Variants in NPL observed in about 807,000 individuals in gnomAD.
NPL encodes N-acetylneuraminate pyruvate lyase, also known as N-acetylneuraminate lyase.
Under a neutral mutation model 41.1 loss-of-function variants are expected in NPL, and 32 were observed. The ratio of observed to expected loss-of-function variants is 0.78; its 90% CI spans 0.59 to 1.05. The LOEUF is 1.05. Ranked by LOEUF, NPL falls within the 50% of genes least tolerant of loss-of-function variation. The pLI, the probability that NPL is intolerant of heterozygous loss-of-function variation, is 0.00. For missense variants in NPL, 321 were observed against 378.4 expected, an observed-to-expected ratio of 0.85 and a Z score of 1.26; for synonymous variants, 128 against 134.9, an observed-to-expected ratio of 0.95 and a Z score of 0.35.
At chr1:182,794,538 T>G (rs1666604383) in intron 3 of NPL, 99 bp downstream of exon 3, 2 of 1,225,882 alleles carry the variant, frequency 1.6e-6, no homozygotes, top group Non-Finnish European at 2.4e-6. Context: ...TGCACCTCTG[T>G]AGAACTGTTG....
chr1:182,803,582 A>G (rs1201012012), intron 3 of NPL, 116 bp from the exon 4 acceptor site: 2 of 748,436 alleles, frequency 2.7e-6, no homozygotes, highest in Non-Finnish European at 2.4e-6. Context: ...GAATTTCACA[A>G]ATTGAGTGGA....
chr1:182,815,985 A>G (rs1045924753), intron 7 of NPL, among the ~76,000 whole-genome samples: 3 of 152,274 alleles, frequency 2.0e-5, no homozygotes, highest in East Asian at 1.9e-4. Flanking sequence ...GAATATATGC[A>G]TAATAATTTG....
intron 3 of NPL, among the ~76,000 whole-genome samples, 168 bp from the exon 4 acceptor site, chr1:182,803,530 A>AG (rs869270026): frequency 3.7e-4 from 54 of 147,114 alleles, no homozygotes; most frequent in Non-Finnish European, 5.8e-4. Context: ...CACCAGATTC[A>AG]GGGGGGGAAA....
intron 1 of NPL, among the ~76,000 whole-genome samples, chr1:182,790,221 G>C (rs1164947157): frequency 2.0e-5 from 3 of 152,106 alleles, no homozygotes; most frequent in Non-Finnish European, 4.4e-5. Context: ...TGTCCCTCAA[G>C]ATATTCTCTG....
chr1:182,798,353 G>A (rs530984309), intron 3 of NPL, among the ~76,000 whole-genome samples: 4 of 150,264 alleles, frequency 2.7e-5, no homozygotes, highest in East Asian at 2.0e-4. Context: ...TCAGCCTCCC[G>A]GGTAGCTGGG....
At chr1:182,803,615 G>A (rs564123892) in intron 3 of NPL, 83 bp from the exon 4 acceptor site, 55 of 879,816 alleles carry the variant, frequency 6.3e-5, no homozygotes, top group Admixed American at 4.0e-4. Context: ...ATTAGCAAGA[G>A]GGAGCAGTTT....
At position 182,828,594 on chromosome 1, in the gene NPL, T is replaced by C; in HGVS notation, c.779-130T>C. On this transcript the variant is annotated intron_variant, in intron 12 of 12. Coordinates refer to ENST00000367553, the MANE Select transcript of NPL (RefSeq NM_030769.3). The surrounding 1 kb of genome is among the most constrained non-coding windows in gnomAD (Gnocchi z 4.0). ...GCTCATCTGTCATATTGACTAGAAATGTTCCCATCTTTTGTTTTAATCTTA... is the reference window on the plus strand; with the variant it reads ...GCTCATCTGTCATATTGACTAGAAACGTTCCCATCTTTTGTTTTAATCTTA... 1.7e-6 allele frequency: 2 copies of C among 1,147,676 alleles called. No homozygotes were observed. The highest frequency in any genetic ancestry group is 2.5e-5 in the East Asian group (1 of 39,342). 71.1% of individuals were successfully genotyped at this position (1,147,676 alleles called of 1,614,324 possible). A position where few individuals can be genotyped will look rare whatever the true frequency, so the allele number is the denominator to read the frequency against.
intron 3 of NPL, among the ~76,000 whole-genome samples, chr1:182,797,805 T>C (rs1666718695): frequency 6.6e-6 from 1 of 152,236 alleles, no homozygotes; most frequent in Non-Finnish European, 1.5e-5. Context: ...TGTCTATGTC[T>C]TCCAGCAGGC....
intron 5 of NPL, among the ~76,000 whole-genome samples, chr1:182,808,057 C>T (rs972854795): frequency 3.9e-5 from 6 of 151,992 alleles, no homozygotes; most frequent in Non-Finnish European, 5.9e-5. Flanking sequence ...CCATAGAGCC[C>T]GACTGCCTGA....
chr1:182,803,265 T>G (rs1174070397), intron 3 of NPL, among the ~76,000 whole-genome samples: 1 of 152,208 alleles, frequency 6.6e-6, no homozygotes, highest in African/African-American at 2.4e-5. Context: ...TGGCTCATAC[T>G]TGTAATCCCA....
rs747166998 is a variant in NPL at position 182,818,490 on chromosome 1, G to T, written c.458-51G>T. 3.1e-6 allele frequency: 5 copies of T among 1,607,338 alleles called. No homozygotes were observed. In the South Asian group the frequency reaches 5.5e-5, roughly 18 times the overall value. On this transcript the variant is annotated intron_variant, in intron 8 of 12. Coordinates refer to ENST00000367553, the MANE Select transcript of NPL (RefSeq NM_030769.3). The stretch of plus-strand genomic sequence containing the variant: ...GCAGATGCATGACACTATATGAGAT[G>T]TTATTTCCTAGAGATGTGCAGATTA...
At chr1:182,814,413 G>A (rs1220925079) in intron 6 of NPL, among the ~76,000 whole-genome samples, 10 of 152,150 alleles carry the variant, frequency 6.6e-5, no homozygotes, top group Admixed American at 6.5e-4. Flanking sequence ...CAATATGACT[G>A]TCTTGTCATT....
chr1:182,816,673 T>C (rs749885841), intron 7 of NPL, 41 bp from the exon 8 acceptor site: 8 of 1,410,356 alleles, frequency 5.7e-6, no homozygotes, highest in African/African-American at 4.3e-5. Context: ...GCCACTGTTT[T>C]ACACCTGTTC....
intron 1 of NPL, chr1:182,791,104 A>G (rs1489343330): frequency 2.6e-5 from 4 of 152,234 alleles, no homozygotes; most frequent in Admixed American, 2.6e-4. Flanking sequence ...CCTGCTTAAT[A>G]ACTCTGATGT....
chr1:182,826,171 A>G, intron 12 of NPL: 1 of 330,264 alleles, frequency 3.0e-6, no homozygotes, highest in East Asian at 6.3e-5. Context: ...GTCTAAATAC[A>G]GATTTTACTA....
chr1:182,805,304 C>T lies in NPL; in HGVS notation c.143-841C>T, dbSNP rs182317694. ...AACTTAGCTGGGCATGGTGGTGGGT[C>T]CCTGTAATCCCAGTTACTCAGGAGG... On this transcript the variant is annotated intron_variant, in intron 4 of 12. Transcript: ENST00000367553. Among the ~76,000 whole-genome samples, 124 of 152,098 alleles carry T rather than the reference C, an allele frequency of 8.2e-4. 1 individual carries two copies. The highest frequency in any genetic ancestry group is 2.9e-3 in the African/African-American group (119 of 41,518).
At chr1:182,814,318 A>G (rs1462289471) in intron 6 of NPL, among the ~76,000 whole-genome samples, 7 of 152,220 alleles carry the variant, frequency 4.6e-5, no homozygotes, top group Admixed American at 2.0e-4. Context: ...TATCAGAAAC[A>G]TGGTGCAGAG....
At position 182,794,407 on chromosome 1, in the gene NPL, G is replaced by A; in HGVS notation, c.36G>A (p.Val12=). ...AFPKKKLQGL[V]AATITPMTEN... is the part of the protein sequence containing the mutation. The stretch of plus-strand genomic sequence containing the variant: ...CAAAGAAGAAACTTCAGGGTCTTGT[G>A]GCTGCAACCATCACGCCAATGACTG... The change falls in exon 3 of 13, where the codon GTG becomes GTA. Residue 12 remains valine (V), a synonymous_variant. Transcript: ENST00000367553. 5.0e-6 allele frequency: 8 copies of A among 1,614,180 alleles called. No homozygotes were observed. Among genetic ancestry groups the A allele is most frequent in the Non-Finnish European group, 5.9e-6 (7 of 1,180,034 alleles).
At chr1:182,808,159 A>T (rs1010181146) in intron 5 of NPL, among the ~76,000 whole-genome samples, 1 of 152,186 alleles carries the variant, frequency 6.6e-6, no homozygotes, top group Non-Finnish European at 1.5e-5. Flanking sequence ...AGTAATAATC[A>T]TATCTCACTT....
Sources: allele counts gnomAD v4.1 joint callset (sites outside exome capture counted in the v4.1 genomes callset), GRCh38; gene constraint gnomAD v4.1.1; non-coding constraint Gnocchi (gnomAD v3.1); transcripts MANE v1.5; gene names NCBI Gene and HGNC (gene_info 2026-07-23, HGNC 2026-07-21).